The following MROH7 variants were observed in gnomAD, a reference collection of about 807,000 sequenced individuals.
MROH7 encodes maestro heat-like repeat-containing protein family member 7.
In MROH7, 113 loss-of-function variants were observed where a neutral mutation model predicts 129.2. The ratio of observed to expected loss-of-function variants is 0.87; its 90% CI spans 0.75 to 1.02. MROH7 has a LOEUF of 1.02. Ranked by LOEUF, MROH7 falls within the 50% of genes least tolerant of loss-of-function variation. MROH7 has a pLI of 0.00. For synonymous variants in MROH7, 655 were observed against 667.9 expected (o/e 0.98, Z 0.30); for missense variants, 1,601 against 1,671.3 (o/e 0.96, Z 0.73).
intron 23 of MROH7, 85 bp downstream of exon 23, chr1:54,709,161 G>T (rs113228572): frequency 7.6e-7 from 1 of 1,313,060 alleles, no homozygotes. Context: ...AAAGGGAAGG[G>T]ATGTGTCCCA....
intron 3 of MROH7, among the ~76,000 whole-genome samples, chr1:54,663,037 T>C (rs1644754464): frequency 6.6e-6 from 1 of 152,202 alleles, no homozygotes; most frequent in South Asian, 2.1e-4. Context: ...GATTTGTTTG[T>C]TACTGATGCT....
chr1:54,683,983 A>T (rs1645109538), intron 14 of MROH7, among the ~76,000 whole-genome samples: 1 of 152,252 alleles, frequency 6.6e-6, no homozygotes, highest in African/African-American at 2.4e-5. Flanking sequence ...TCTGTGAGAC[A>T]CATGAAGACA....
At chr1:54,657,775 T>G (rs984221307) in intron 3 of MROH7, among the ~76,000 whole-genome samples, 1 of 152,054 alleles carries the variant, frequency 6.6e-6, no homozygotes, top group Non-Finnish European at 1.5e-5. Flanking sequence ...ACAATTCTCC[T>G]GCCTTAGCCT....
chr1:54,664,217 A>G (rs1460992579), intron 3 of MROH7, among the ~76,000 whole-genome samples: 1 of 152,222 alleles, frequency 6.6e-6, no homozygotes, highest in African/African-American at 2.4e-5. Flanking sequence ...TGCACCCAGG[A>G]AAGATGAGGC....
At chr1:54,681,333 C>T (rs1645066292) in intron 13 of MROH7, among the ~76,000 whole-genome samples, 1 of 152,182 alleles carries the variant, frequency 6.6e-6, no homozygotes, top group African/African-American at 2.4e-5. Context: ...TTAAATGGCA[C>T]AGGCCTCACA....
At chr1:54,690,796 T>G (rs1280466362) in intron 15 of MROH7, among the ~76,000 whole-genome samples, 1 of 152,182 alleles carries the variant, frequency 6.6e-6, no homozygotes, top group Admixed American at 6.5e-5. Context: ...AAATGAGGAC[T>G]GGGAGGACTG....
intron 1 of MROH7, among the ~76,000 whole-genome samples, chr1:54,645,479 C>T (rs192645192): frequency 2.0e-4 from 31 of 151,994 alleles, no homozygotes; most frequent in African/African-American, 6.8e-4. Flanking sequence ...CAGGGTTTCA[C>T]CATGTTGGCC....
At chr1:54,648,373 TTTA>T (rs869123522) in intron 1 of MROH7, among the ~76,000 whole-genome samples, 1 of 150,220 alleles carries the variant, frequency 6.7e-6, no homozygotes, top group African/African-American at 2.5e-5. Flanking sequence ...TATTTATTTA[TTTA>T]TTTTTTGAGA....
In MROH7 at chr1:54,700,448, G is replaced by T. The variant is rs774077427; in HGVS notation, c.3092G>T (p.Arg1031Leu). 1 of 1,599,180 alleles carries T rather than the reference G, an allele frequency of 6.3e-7. No individual in the cohort carries two copies. Among genetic ancestry groups the T allele is most frequent in the African/African-American group, 1.3e-5 (1 of 74,884 alleles). ...ATTCGAGGCCTGGTCATCCTGGCCC[G>T]CAGGTCTGAGAAGGTGAGTGGGAGG... ...LSIRGLVILA[R>L]RSEKTAKVKA... The change falls in exon 18 of 24, where the codon CGC becomes CTC. Residue 1031 changes from arginine (R) to leucine (L), a missense_variant. By Grantham distance (102) the Arg-to-Leu change is moderately radical. Coordinates refer to ENST00000421030, the MANE Select transcript of MROH7 (RefSeq NM_001039464.4).
intron 21 of MROH7, among the ~76,000 whole-genome samples, chr1:54,705,197 C>T (rs1284959051): frequency 2.0e-5 from 3 of 152,190 alleles, no homozygotes; most frequent in Non-Finnish European, 4.4e-5. Flanking sequence ...CCCTCTGGGT[C>T]CTCAGTTTCT....
intron 15 of MROH7, among the ~76,000 whole-genome samples, chr1:54,691,886 C>CG (rs140867347): frequency 0.024 from 3,426 of 145,678 alleles, 174 homozygotes; most frequent in African/African-American, 0.086. Context: ...TCCTCCCCCC[C>CG]ACCCCCCATG....
At chr1:54,664,462 A>C (rs1364014384) in intron 3 of MROH7, among the ~76,000 whole-genome samples, 1 of 152,178 alleles carries the variant, frequency 6.6e-6, no homozygotes, top group African/African-American at 2.4e-5. Flanking sequence ...AGGTATGGCG[A>C]GCAGTGGCCC....
intron 22 of MROH7, among the ~76,000 whole-genome samples, chr1:54,706,772 C>A (rs1014292120): frequency 6.6e-6 from 1 of 152,196 alleles, no homozygotes; most frequent in Non-Finnish European, 1.5e-5. Context: ...CAGGTCACAA[C>A]CTTGGCAACT....
At chr1:54,671,176 A>G (rs1644897270) in intron 7 of MROH7, among the ~76,000 whole-genome samples, 1 of 152,164 alleles carries the variant, frequency 6.6e-6, no homozygotes, top group Admixed American at 6.5e-5. Context: ...TCACGAGGTC[A>G]GGAGACTGAG....
chr1:54,659,057 A>G, intron 3 of MROH7: 3 of 418,032 alleles, frequency 7.2e-6, no homozygotes, highest in South Asian at 3.4e-5. Context: ...CAATAGAATA[A>G]TACTGTATTT....
chr1:54,704,920 C>T (rs1645508053), intron 21 of MROH7, among the ~76,000 whole-genome samples: 1 of 150,510 alleles, frequency 6.6e-6, no homozygotes, highest in Admixed American at 6.7e-5. Flanking sequence ...CTGCCTCAAC[C>T]TCCTGCGTAG....
chr1:54,669,403 C>T (rs1217954223), intron 5 of MROH7, among the ~76,000 whole-genome samples: 2 of 152,216 alleles, frequency 1.3e-5, no homozygotes, highest in African/African-American at 4.8e-5. Context: ...AAAATTATAT[C>T]TGTGTTTGTG....
At chr1:54,651,569 GA>G in intron 1 of MROH7, 1 of 152,476 alleles carries the variant, frequency 6.6e-6, no homozygotes, top group Middle Eastern at 3.4e-3. Flanking sequence ...GGGACATATG[GA>G]GGGGCAAAAA....
intron 14 of MROH7, among the ~76,000 whole-genome samples, chr1:54,685,548 C>T (rs1645135050): frequency 2.6e-5 from 4 of 152,308 alleles, no homozygotes; most frequent in African/African-American, 7.2e-5. Flanking sequence ...TAGTATTGCC[C>T]TTCTGCCAGT....
Sources: allele counts gnomAD v4.1 joint callset (sites outside exome capture counted in the v4.1 genomes callset), GRCh38; gene constraint gnomAD v4.1.1; transcripts MANE v1.5; gene names NCBI Gene and HGNC (gene_info 2026-07-23, HGNC 2026-07-21).